The following BTNL8 variants were observed in gnomAD, a reference collection of about 807,000 sequenced individuals.
BTNL8 encodes butyrophilin like 8, also known as butyrophilin-like protein 8.
Under a neutral mutation model 36.1 loss-of-function variants are expected in BTNL8, and 22 were observed. The ratio of observed to expected loss-of-function variants is 0.61; its 90% CI spans 0.44 to 0.87. The LOEUF is 0.87. Among genes scored for constraint, BTNL8 ranks in the 40% least tolerant of loss-of-function variants. BTNL8 has a pLI of 0.00. For missense variants in BTNL8, 526 were observed against 616.9 expected (o/e 0.85, Z 1.56); for synonymous variants, 203 against 235.6 (o/e 0.86, Z 1.27).
chr5:180,923,715 A>G (rs1757972175), intron 3 of BTNL8, among the ~76,000 whole-genome samples: 1 of 152,182 alleles, frequency 6.6e-6, no homozygotes, highest in Non-Finnish European at 1.5e-5. Context: ...TAGAATGCCT[A>G]TTTCCAACAG....
intron 1 of BTNL8, among the ~76,000 whole-genome samples, chr5:180,907,609 G>C (rs1757145691): frequency 6.7e-6 from 1 of 149,402 alleles, no homozygotes; most frequent in Non-Finnish European, 1.5e-5. Context: ...CTGCTTTTTA[G>C]AGTTTCCAGT....
In BTNL8 at chr5:180,908,705, A is replaced by G. The variant is rs765534263; in HGVS notation, c.169A>G (p.Arg57Gly). ...AGAGGCCATGGAAGTGCGGTTCTTC[A>G]GGGGCCAGTTCTCTAGCGTGGTCCA... ...NAEAMEVRFF[R>G]GQFSSVVHLY... The change falls in exon 2 of 8, where the codon AGG becomes GGG. Residue 57 changes from arginine (R) to glycine (G), a missense_variant. Physicochemically the swap from Arg to Gly is moderately radical, Grantham distance 125 (BLOSUM62 -2). Around this residue, in one of 2 missense-constraint regions of BTNL8, gnomAD observed 350 missense variants for 324.6 expected, o/e 1.08. Coordinates refer to ENST00000340184, the MANE Select transcript of BTNL8 (RefSeq NM_001040462.3). 5 of 1,614,238 alleles carry G rather than the reference A, an allele frequency of 3.1e-6. No individual in the cohort carries two copies. In the East Asian group the frequency reaches 1.1e-4, roughly 36 times the overall value.
At chr5:180,944,546 G>A (rs549194442) in intron 3 of BTNL8, among the ~76,000 whole-genome samples, 1 of 152,322 alleles carries the variant, frequency 6.6e-6, no homozygotes, top group Admixed American at 6.5e-5. Context: ...GGGATGAGGA[G>A]AGGTTGATCA....
intron 1 of BTNL8, among the ~76,000 whole-genome samples, chr5:180,904,708 C>T: frequency 7.7e-6 from 1 of 130,346 alleles, no homozygotes; most frequent in Non-Finnish European, 1.6e-5. Flanking sequence ...CCATCAATAC[C>T]TAATTTATTG....
chr5:180,909,010 A>G, intron 2 of BTNL8, 77 bp downstream of exon 2: 1 of 1,425,118 alleles, frequency 7.0e-7, no homozygotes, highest in Non-Finnish European at 9.5e-7. Flanking sequence ...CAATAAGGAA[A>G]TTTTAAAATT....
intron 1 of BTNL8, among the ~76,000 whole-genome samples, chr5:180,905,147 A>G (rs977156939): frequency 6.6e-6 from 1 of 150,944 alleles, no homozygotes; most frequent in Admixed American, 6.6e-5. Flanking sequence ...CTGTGAATCC[A>G]TCTGGTCCTG....
chr5:180,925,633 A>G (rs570883900), intron 3 of BTNL8, among the ~76,000 whole-genome samples: 1 of 152,322 alleles, frequency 6.6e-6, no homozygotes, highest in East Asian at 1.9e-4. Context: ...TATTAGATCT[A>G]TTTTATAAAT....
intron 2 of BTNL8, among the ~76,000 whole-genome samples, chr5:180,910,418 A>G (rs748081130): frequency 2.0e-5 from 3 of 152,184 alleles, no homozygotes; most frequent in Non-Finnish European, 4.4e-5. Flanking sequence ...GATAACATAC[A>G]TAACTCACAG....
intron 3 of BTNL8, among the ~76,000 whole-genome samples, chr5:180,927,935 C>A (rs1453107049): frequency 6.6e-6 from 1 of 152,092 alleles, no homozygotes; most frequent in Admixed American, 6.6e-5. Context: ...GGAGAACTTC[C>A]CCAACCTAGT....
chr5:180,932,448 G>A (rs34638513), intron 3 of BTNL8, among the ~76,000 whole-genome samples: 28,779 of 152,126 alleles, frequency 0.19, 4,641 homozygotes, highest in African/African-American at 0.44. Flanking sequence ...CCGGGTTGAC[G>A]CCATTCTCCT....
In BTNL8 at chr5:180,930,479, G is replaced by T. The variant is rs182693471; in HGVS notation, c.674-17033G>T. ...GGCCTGGGCAGTCAGGCAAGAGAAAGAAATAAAGGGTATTCAAATAGGAAG... is the reference window on the plus strand; with the variant it reads ...GGCCTGGGCAGTCAGGCAAGAGAAATAAATAAAGGGTATTCAAATAGGAAG... On this transcript the variant is annotated intron_variant, in intron 3 of 7. Coordinates refer to ENST00000340184, the MANE Select transcript of BTNL8 (RefSeq NM_001040462.3). Among the ~76,000 whole-genome samples the T allele has an allele frequency of 3.8e-3, 578 of 152,290 alleles. 13 individuals carry two copies. The highest frequency in any genetic ancestry group is 0.034 in the Admixed American group (517 of 15,300).
In BTNL8 at chr5:180,950,866, T is replaced by C; in HGVS notation, c.*322T>C. 1 of 341,786 alleles carries C rather than the reference T, an allele frequency of 2.9e-6. No homozygotes were observed. 21.2% of individuals were successfully genotyped at this position (341,786 alleles called of 1,614,324 possible). On this transcript the variant is annotated 3_prime_UTR_variant, in exon 8 of 8. Transcript: ENST00000340184. ...TGCTTAGATCTTATTGATGACAGAG[T>C]GTATCCTAATGGTTTGTTCATTATA...
At chr5:180,925,847 T>C (rs777296763) in intron 3 of BTNL8, among the ~76,000 whole-genome samples, 7 of 152,096 alleles carry the variant, frequency 4.6e-5, no homozygotes, top group Admixed American at 2.6e-4. Flanking sequence ...AAATAAATTG[T>C]AAAGAAATAC....
At chr5:180,909,872 G>A (rs1194970586) in intron 2 of BTNL8, 1 of 152,242 alleles carries the variant, frequency 6.6e-6, no homozygotes, top group Non-Finnish European at 1.5e-5. Flanking sequence ...TCCGAACTTA[G>A]TAGTGTCACT....
At chr5:180,938,725 A>G (rs1421239362) in intron 3 of BTNL8, among the ~76,000 whole-genome samples, 1 of 151,868 alleles carries the variant, frequency 6.6e-6, no homozygotes, top group Admixed American at 6.6e-5. Context: ...TTTAGTAGAG[A>G]CGGGGTTTCG....
chr5:180,947,389 C>T (rs376419126), intron 3 of BTNL8, 123 bp from the exon 4 acceptor site: 1 of 1,305,720 alleles, frequency 7.7e-7, no homozygotes, highest in Non-Finnish European at 1.1e-6. Context: ...AGTATTAAGC[C>T]TATAGGAGAA....
At chr5:180,936,111 A>G (rs1277714663) in intron 3 of BTNL8, among the ~76,000 whole-genome samples, 2 of 152,044 alleles carry the variant, frequency 1.3e-5, no homozygotes, top group African/African-American at 4.8e-5. Flanking sequence ...GGTTTTCACC[A>G]TGTTGGCCAG....
intron 1 of BTNL8, among the ~76,000 whole-genome samples, chr5:180,901,180 C>T (rs1280739810): frequency 6.6e-6 from 1 of 152,218 alleles, no homozygotes; most frequent in Non-Finnish European, 1.5e-5. Context: ...AAATACATTT[C>T]AGCAAGATTT....
intron 3 of BTNL8, among the ~76,000 whole-genome samples, chr5:180,936,049 C>T (rs1758639307): frequency 6.6e-6 from 1 of 151,980 alleles, no homozygotes; most frequent in Non-Finnish European, 1.5e-5. Flanking sequence ...GCTGGGACTA[C>T]AGGCACACAC....
Sources: gnomAD v4.1 joint callset for allele counts (sites outside exome capture counted in the v4.1 genomes callset) on GRCh38, gnomAD v4.1.1 for gene constraint, gnomAD v4.1.1 regional missense constraint, MANE v1.5 for transcripts, NCBI Gene and HGNC (gene_info 2026-07-23, HGNC 2026-07-21) for gene names.